The following DSCAM variants were observed in gnomAD, a reference collection of about 807,000 sequenced individuals.
DSCAM encodes the protein DS cell adhesion molecule.
DSCAM carries 47 observed loss-of-function variants against 217.7 expected under a neutral mutation model. That is an observed-to-expected ratio of 0.22 (90% CI 0.17 to 0.28). The LOEUF (loss-of-function observed/expected upper bound fraction) is 0.28, where lower values mean the gene tolerates loss of function less well. DSCAM is among the 10% of genes least tolerant of loss of function. The pLI is 1.00. For missense variants in DSCAM, 2,080 were observed against 2,618.3 expected, an observed-to-expected ratio of 0.79 and a Z score of 4.49; for synonymous variants, 1,056 against 1,015.3, an observed-to-expected ratio of 1.04 and a Z score of -0.76.
intron 3 of DSCAM, among the ~76,000 whole-genome samples, chr21:40,374,148 T>C (rs2074927263): frequency 6.6e-6 from 1 of 152,218 alleles, no homozygotes; most frequent in Non-Finnish European, 1.5e-5. Flanking sequence ...TGTGTATATA[T>C]AGACACATAC....
At chr21:40,162,016 G>A (rs568371158) in intron 16 of DSCAM, among the ~76,000 whole-genome samples, 1 of 152,274 alleles carries the variant, frequency 6.6e-6, no homozygotes, top group South Asian at 2.1e-4. Flanking sequence ...AATTTTTATG[G>A]GGTTGGGTAT....
chr21:40,644,391 G>A (rs2089918766), intron 3 of DSCAM, among the ~76,000 whole-genome samples: 2 of 152,190 alleles, frequency 1.3e-5, no homozygotes, highest in African/African-American at 2.4e-5. Context: ...GGAGAATAGG[G>A]TTTAGGGTAA....
Position 40,719,496 on chromosome 21 carries a change from C to T in DSCAM, c.44-10725G>A, listed in dbSNP as rs145595666. 8.4e-3 allele frequency among the ~76,000 whole-genome samples: 1,286 copies of T among 152,268 alleles called. 17 individuals carry two copies. The highest frequency in any genetic ancestry group is 0.029 in the African/African-American group (1,219 of 41,558). On this transcript the variant is annotated intron_variant, in intron 1 of 32. Coordinates refer to ENST00000400454, the MANE Select transcript of DSCAM (RefSeq NM_001389.5). ...ATGCATATGTCCATCAAAAAATACA[C>T]GCTGGAATATCTACAGCAGCAACAC...
chr21:40,129,828 G>A (rs941905144), intron 19 of DSCAM, among the ~76,000 whole-genome samples: 13 of 152,140 alleles, frequency 8.5e-5, no homozygotes, highest in Admixed American at 3.9e-4. Context: ...CCCAGCACAC[G>A]TCACAGGCAC....
At chr21:40,749,160 G>A (rs1170895573) in intron 1 of DSCAM, among the ~76,000 whole-genome samples, 1 of 152,078 alleles carries the variant, frequency 6.6e-6, no homozygotes, top group African/African-American at 2.4e-5. Flanking sequence ...TCATGGAATG[G>A]AGCAAGGATT....
intron 3 of DSCAM, among the ~76,000 whole-genome samples, chr21:40,689,790 A>T (rs1225841884): frequency 2.0e-5 from 3 of 152,208 alleles, no homozygotes; most frequent in South Asian, 2.1e-4. Context: ...GTTTATATAC[A>T]AAGCAGAGAC....
chr21:40,438,018 G>A (rs540858813), intron 3 of DSCAM, among the ~76,000 whole-genome samples: 2 of 152,268 alleles, frequency 1.3e-5, no homozygotes, highest in South Asian at 4.2e-4. Context: ...CTGCCTTCTT[G>A]CTCGCCACCA....
chr21:40,589,567 C>T (rs2076969949), intron 3 of DSCAM, among the ~76,000 whole-genome samples: 1 of 152,110 alleles, frequency 6.6e-6, no homozygotes, highest in Non-Finnish European at 1.5e-5. Flanking sequence ...CAAAGCAAGA[C>T]TCCATCTCCA....
At position 40,743,001 on chromosome 21, in the gene DSCAM, T is replaced by C. The variant is rs191166317; in HGVS notation, c.44-34230A>G. On this transcript the variant is annotated intron_variant, in intron 1 of 32. Transcript: ENST00000400454. ...AATGCCTCTGTCTCAAAAGTACAAT[T>C]TCCAAAAGGTACTTTTCACTAAACA... Among the ~76,000 whole-genome samples the C allele has an allele frequency of 7.7e-4, 117 of 152,294 alleles. 3 individuals carry two copies. In the South Asian group the frequency reaches 0.023, roughly 30 times the overall value.
At chr21:40,677,866 G>T (rs1017893487) in intron 3 of DSCAM, among the ~76,000 whole-genome samples, 4 of 152,050 alleles carry the variant, frequency 2.6e-5, no homozygotes, top group African/African-American at 9.7e-5. Flanking sequence ...CCACCTCCTT[G>T]ATCTTAGAAT....
intron 26 of DSCAM, among the ~76,000 whole-genome samples, chr21:40,077,081 A>C (rs1462828131): frequency 2.0e-5 from 3 of 152,204 alleles, no homozygotes; most frequent in African/African-American, 7.2e-5. Flanking sequence ...GGGCTATAAA[A>C]TTAGAAAGAG....
At chr21:40,374,238 T>C (rs1359713843) in intron 3 of DSCAM, among the ~76,000 whole-genome samples, 1 of 152,184 alleles carries the variant, frequency 6.6e-6, no homozygotes, top group Non-Finnish European at 1.5e-5. Flanking sequence ...ATTAAATTGG[T>C]ATCTATCCTA....
At chr21:40,698,174 G>A (rs8134942) in intron 2 of DSCAM, among the ~76,000 whole-genome samples, 7,428 of 152,168 alleles carry the variant, frequency 0.049, 577 homozygotes, top group African/African-American at 0.17. Context: ...GAGATCACAC[G>A]GTTGGTCTAC....
chr21:40,150,742 T>A (rs16999378), intron 16 of DSCAM, among the ~76,000 whole-genome samples: 10,942 of 152,262 alleles, frequency 0.072, 760 homozygotes, highest in African/African-American at 0.18. Context: ...GCTTTAGACA[T>A]CTTTGCTTGG....
intron 3 of DSCAM, among the ~76,000 whole-genome samples, chr21:40,651,320 C>A (rs562179687): frequency 6.6e-6 from 1 of 152,288 alleles, no homozygotes; most frequent in South Asian, 2.1e-4. Flanking sequence ...ATGAAGGCAG[C>A]CACTAATAGC....
At position 40,794,463 on chromosome 21, in the gene DSCAM, A is replaced by C. The variant is rs542588553; in HGVS notation, c.43+52156T>G. Among the ~76,000 whole-genome samples, 4 of 152,088 alleles carry C rather than the reference A, an allele frequency of 2.6e-5. No homozygotes were observed. In the South Asian group the frequency reaches 8.3e-4, roughly 32 times the overall value. ...AGTTTAAATCACAGTTAAACTTAACACAGCAACTTTGTTTTGCGATATACT... is the reference window on the plus strand; with the variant it reads ...AGTTTAAATCACAGTTAAACTTAACCCAGCAACTTTGTTTTGCGATATACT... On this transcript the variant is annotated intron_variant, in intron 1 of 32. Coordinates refer to ENST00000400454, the MANE Select transcript of DSCAM (RefSeq NM_001389.5).
chr21:40,540,048 G>T (rs984386685), intron 3 of DSCAM, among the ~76,000 whole-genome samples: 1 of 151,990 alleles, frequency 6.6e-6, no homozygotes, highest in Non-Finnish European at 1.5e-5. Flanking sequence ...ATGCATTTGG[G>T]GTGCTTTATT....
In DSCAM at chr21:40,026,144, A is replaced by C. The variant is rs1434914443; in HGVS notation, c.5687-12758T>G. The stretch of plus-strand genomic sequence containing the variant: ...TTCGTTATGTACCCAGTAGTCATTC[A>C]GGAGCAGGTTGTTCAGTTTCCATGT... On this transcript the variant is annotated intron_variant, in intron 32 of 32. Coordinates refer to ENST00000400454, the MANE Select transcript of DSCAM (RefSeq NM_001389.5). Among the ~76,000 whole-genome samples, 25 of 141,930 alleles carry C rather than the reference A, an allele frequency of 1.8e-4. 1 individual carries two copies. Among genetic ancestry groups the C allele is most frequent in the Non-Finnish European group, 3.8e-4 (24 of 63,412 alleles). 93.1% of individuals were successfully genotyped at this position (141,930 alleles called of 152,430 possible).
chr21:40,030,205 C>T (rs1218728703), intron 32 of DSCAM, among the ~76,000 whole-genome samples: 3 of 152,218 alleles, frequency 2.0e-5, no homozygotes, highest in Non-Finnish European at 4.4e-5. Context: ...CTCAGCCTCC[C>T]TGCTCCTCTG....
Sources: gnomAD v4.1 joint callset for allele counts (sites outside exome capture counted in the v4.1 genomes callset) on GRCh38, gnomAD v4.1.1 for gene constraint, MANE v1.5 for transcripts, NCBI Gene and HGNC (gene_info 2026-07-23, HGNC 2026-07-21) for gene names.